MYH2: variants seen among roughly 807,000 people sequenced by gnomAD.
The protein encoded by MYH2 is myosin heavy chain 2, also known as myosin-2.
MYH2 carries 139 observed loss-of-function variants against 228.1 expected under a neutral mutation model. The ratio of observed to expected loss-of-function variants is 0.61; its 90% CI spans 0.53 to 0.70. MYH2 has a LOEUF of 0.70. Among genes scored for constraint, MYH2 ranks in the 30% least tolerant of loss-of-function variants. The pLI is 0.00. For synonymous variants in MYH2, 796 were observed against 871.1 expected (o/e 0.91, Z 1.52); for missense variants, 1,809 against 2,357.5 (o/e 0.77, Z 4.82).
Position 10,526,535 on chromosome 17 carries a change from G to A in MYH2, c.4187+64C>T, listed in dbSNP as rs560654469. On this transcript the variant is annotated intron_variant, in intron 30 of 39. Transcript: ENST00000245503. ...TGGACTAATTCACTGAATCTTCAAA[G>A]GTCATGTCTTTCTGATTCAATATGC... 1.8e-4 allele frequency: 292 copies of A among 1,603,318 alleles called. 2 individuals carry two copies. In the South Asian group the frequency reaches 3.0e-3, roughly 17 times the overall value.
intron 5 of MYH2, 93 bp downstream of exon 5, chr17:10,545,253 T>A: frequency 6.2e-7 from 1 of 1,607,112 alleles, no homozygotes; most frequent in Non-Finnish European, 8.5e-7. Context: ...AAAGGGACGA[T>A]CTCAAGGAAT....
chr17:10,529,280 A>G (rs765534451), intron 25 of MYH2, 28 bp from the exon 26 acceptor site: 2 of 1,614,116 alleles, frequency 1.2e-6, no homozygotes, highest in Non-Finnish European at 1.7e-6. Flanking sequence ...AAGGACAACA[A>G]TTTAGTCCGT....
At chr17:10,522,504 A>G (rs947537969) in intron 39 of MYH2, among the ~76,000 whole-genome samples, 1 of 151,996 alleles carries the variant, frequency 6.6e-6, no homozygotes, top group African/African-American at 2.4e-5. Flanking sequence ...ACTCTAATTC[A>G]CCAATTTCTA....
At chr17:10,535,686 G>A (rs970173324) in intron 17 of MYH2, among the ~76,000 whole-genome samples, 6 of 152,244 alleles carry the variant, frequency 3.9e-5, no homozygotes, top group Admixed American at 3.3e-4. Context: ...CTTCCCATGC[G>A]AGATGATCGC....
In MYH2 at chr17:10,525,099, A is replaced by G. The variant is rs1014291179; in HGVS notation, c.4663-34T>C. On this transcript the variant is annotated intron_variant, in intron 33 of 39. Coordinates refer to ENST00000245503, the MANE Select transcript of MYH2 (RefSeq NM_017534.6). The surrounding 1 kb of genome is among the most constrained non-coding windows in gnomAD (Gnocchi z 4.2). ...CAGCAAGAGGTGACATTAGCAAGGA[A>G]CCAAAAGCTTTATGAAGTTTTTCTG... The G allele has an allele frequency of 6.2e-7, 1 of 1,614,106 alleles. No homozygotes were observed. Among genetic ancestry groups the G allele is most frequent in the Admixed American group, 1.7e-5 (1 of 60,026 alleles).
At chr17:10,534,778 G>T (rs1275849263) in intron 19 of MYH2, among the ~76,000 whole-genome samples, 3 of 152,124 alleles carry the variant, frequency 2.0e-5, no homozygotes, top group Non-Finnish European at 2.9e-5. Flanking sequence ...TTAGCTGGGC[G>T]TGGTGGCATA....
intron 14 of MYH2, among the ~76,000 whole-genome samples, chr17:10,538,226 G>A (rs1232099590): frequency 2.6e-5 from 4 of 151,870 alleles, no homozygotes; most frequent in Non-Finnish European, 1.5e-5. Context: ...AGCTGGCTGG[G>A]AGGAGTCTAT....
rs2073283570 is a variant in MYH2 at position 10,521,449 on chromosome 17, A to T, written c.5674-17T>A. 3 of 1,613,368 alleles carry T rather than the reference A, an allele frequency of 1.9e-6. No homozygotes were observed. The highest frequency in any genetic ancestry group is 2.5e-6 in the Non-Finnish European group (3 of 1,179,374). On this transcript the variant is annotated splice_polypyrimidine_tract_variant and intron_variant, in intron 39 of 39. Coordinates refer to ENST00000245503, the MANE Select transcript of MYH2 (RefSeq NM_017534.6). The stretch of plus-strand genomic sequence containing the variant: ...TTGTTCCTCCTGAGAATAAAAATGG[A>T]ATTGTAAGGAACTCATACTTGCATC...
chr17:10,547,679 A>G, intron 3 of MYH2, 38 bp downstream of exon 3: 3 of 1,614,136 alleles, frequency 1.9e-6, no homozygotes, highest in Non-Finnish European at 1.7e-6. Flanking sequence ...AACAACAAAA[A>G]TCAATAAAAT....
At chr17:10,534,691 C>T (rs540723578) in intron 19 of MYH2, among the ~76,000 whole-genome samples, 8 of 152,274 alleles carry the variant, frequency 5.3e-5, no homozygotes, top group South Asian at 4.1e-4. Flanking sequence ...CCAAGGCTGG[C>T]GGATGACCTG....
chr17:10,529,117 G>A, intron 26 of MYH2, 38 bp from the exon 27 acceptor site: 2 of 1,614,164 alleles, frequency 1.2e-6, no homozygotes, highest in Non-Finnish European at 1.7e-6. Flanking sequence ...GCTTCTTTGT[G>A]TCATAACTGC....
chr17:10,542,161 T>C (rs554762976), intron 10 of MYH2, among the ~76,000 whole-genome samples: 45 of 152,110 alleles, frequency 3.0e-4, no homozygotes, highest in Non-Finnish European at 4.9e-4. Flanking sequence ...TAATCCCAGC[T>C]ACTTGGGAGG....
At chr17:10,528,613 TA>T in intron 27 of MYH2, 76 bp downstream of exon 27, 2 of 1,606,560 alleles carry the variant, frequency 1.2e-6, no homozygotes. Context: ...ACTTAATGTG[TA>T]AAAAGTGCCC....
chr17:10,531,333 T>C (rs1311812060), intron 22 of MYH2, among the ~76,000 whole-genome samples: 1 of 152,212 alleles, frequency 6.6e-6, no homozygotes, highest in Non-Finnish European at 1.5e-5. Context: ...GATTGTGTCA[T>C]ATTAAAATCA....
intron 16 of MYH2, 151 bp from the exon 17 acceptor site, chr17:10,536,757 G>A: frequency 1.3e-6 from 1 of 753,632 alleles, no homozygotes; most frequent in South Asian, 1.6e-5. Context: ...TTTCAACTAA[G>A]TTTGCAGCCA....
chr17:10,529,108 C>G, intron 26 of MYH2, 29 bp from the exon 27 acceptor site: 1 of 1,614,198 alleles, frequency 6.2e-7, no homozygotes. Context: ...ACAAACTCAG[C>G]TTCTTTGTGT....
At chr17:10,533,174 A>C in intron 21 of MYH2, 111 bp downstream of exon 21, 1 of 1,472,292 alleles carries the variant, frequency 6.8e-7, no homozygotes, top group South Asian at 1.2e-5. Flanking sequence ...TCATTATAGG[A>C]CTCTTATTCA....
chr17:10,528,404 G>C (rs907422731), intron 27 of MYH2, among the ~76,000 whole-genome samples: 1 of 152,000 alleles, frequency 6.6e-6, no homozygotes, highest in African/African-American at 2.4e-5. Context: ...GAAATAATTG[G>C]AGACCTTTGT....
At chr17:10,536,063 C>T (rs1205996010) in intron 17 of MYH2, among the ~76,000 whole-genome samples, 4 of 152,168 alleles carry the variant, frequency 2.6e-5, no homozygotes, top group Admixed American at 2.6e-4. Context: ...TTTGACTTAG[C>T]ATGAAAAGTG....
Sources: allele counts gnomAD v4.1 joint callset (sites outside exome capture counted in the v4.1 genomes callset), GRCh38; gene constraint gnomAD v4.1.1; non-coding constraint Gnocchi (gnomAD v3.1); transcripts MANE v1.5; gene names NCBI Gene and HGNC (gene_info 2026-07-23, HGNC 2026-07-21).